TMEM120A: variants seen among roughly 807,000 people sequenced by gnomAD.
TMEM120A encodes transmembrane protein 120A.
TMEM120A carries 45 observed loss-of-function variants against 54.3 expected under a neutral mutation model. That is an observed-to-expected ratio of 0.83 (90% CI 0.65 to 1.06). TMEM120A has a LOEUF of 1.06. Ranked by LOEUF, TMEM120A falls within the 50% of genes least tolerant of loss-of-function variation. The probability of loss-of-function intolerance (pLI) is 0.00; values close to 1 mark genes in which losing one functional copy is unlikely to be tolerated. For missense variants in TMEM120A, 424 were observed against 441.7 expected, an observed-to-expected ratio of 0.96 and a Z score of 0.36; for synonymous variants, 204 against 178.5, an observed-to-expected ratio of 1.14 and a Z score of -1.14.
chr7:75,993,226 G>A (rs1585147497), intron 1 of TMEM120A, among the ~76,000 whole-genome samples: 1 of 152,202 alleles, frequency 6.6e-6, no homozygotes, highest in South Asian at 2.1e-4. Context: ...AGGCAGCCCA[G>A]AGCCACCCCT....
chr7:75,994,211 C>T (rs1038269941), intron 1 of TMEM120A, among the ~76,000 whole-genome samples: 23 of 152,328 alleles, frequency 1.5e-4, no homozygotes, highest in African/African-American at 5.5e-4. Flanking sequence ...CGGCCGCTCT[C>T]TTCTGGGAAG....
At position 75,989,192 on chromosome 7, in the gene TMEM120A, T is replaced by C. The variant is rs371074253; in HGVS notation, c.350A>G (p.Asn117Ser). The C allele has an allele frequency of 2.0e-5, 29 of 1,465,112 alleles. No individual in the cohort carries two copies. Among genetic ancestry groups the C allele is most frequent in the African/African-American group, 2.9e-5 (2 of 69,148 alleles). 90.8% of individuals were successfully genotyped at this position (1,465,112 alleles called of 1,614,324 possible). ...LYLSLVLGNVNVTLLSKQAKF... is the reference protein window; with the variant it reads ...LYLSLVLGNVSVTLLSKQAKF... ...AGCCTGCTTGCTCAGGAGCGTGACGTTGACGTTCCCCAGAACCAGGCTCAG... is the reference window on the plus strand; with the variant it reads ...AGCCTGCTTGCTCAGGAGCGTGACGCTGACGTTCCCCAGAACCAGGCTCAG... Residue 117 changes from asparagine (N) to serine (S), a missense_variant, in exon 4 of 12, where the codon AAC becomes AGC. Asn to Ser is a conservative substitution (Grantham distance 46). Transcript: ENST00000493111.
rs1001035226 is a variant in TMEM120A, at chr7:75,994,457, C to T, written c.81+33G>A. On this transcript the variant is annotated intron_variant, in intron 1 of 11. Transcript: ENST00000493111. ...GACCCTGAGCCAGCGAGACGCGGCT[C>T]GGGGGCGACCCGGCGTCCGCAGCGG... 5.2e-6 allele frequency: 8 copies of T among 1,543,424 alleles called. No homozygotes were observed. In the Admixed American group the frequency reaches 5.9e-5, roughly 11 times the overall value.
rs1789643641 is a variant in TMEM120A, at chr7:75,988,404, CG to C, written c.473+16del. On this transcript the variant is annotated intron_variant, in intron 5 of 11. Transcript: ENST00000493111. ...ACTGGGGATGGGGTGGGTCCTCGGC[CG>C]GGGTGGGACGCCCACCTGGAGTTGA... 1.4e-6 allele frequency: 1 copy of C among 690,286 alleles called. No homozygotes were observed. Among genetic ancestry groups the C allele is most frequent in the African/African-American group, 1.9e-5 (1 of 53,576 alleles). The allele number at this position is 690,286 out of a possible 1,614,324, so 42.8% of individuals were successfully genotyped here.
At position 75,987,543 on chromosome 7, in the gene TMEM120A, C is replaced by T. The variant is rs1227200385; in HGVS notation, c.844G>A (p.Gly282Arg). 1.3e-6 allele frequency: 2 copies of T among 1,592,540 alleles called. No individual in the cohort carries two copies. Among genetic ancestry groups the T allele is most frequent in the African/African-American group, 2.7e-5 (2 of 74,316 alleles). The change falls in exon 10 of 12, where the codon GGA (glycine) becomes AGA (arginine). Residue 282 changes from glycine to arginine, a missense_variant. Gly to Arg is a moderately radical substitution (Grantham distance 125). Coordinates refer to ENST00000493111, the MANE Select transcript of TMEM120A (RefSeq NM_031925.3). ...LTFLLPFLFFGHFWQLFNALT... is the reference protein window; with the variant it reads ...LTFLLPFLFFRHFWQLFNALT... ...GACACAGAGGCACGACTTACGTGTC[C>T]AAAGAAAAGAAAAGGCAGCAGGAAG...
At chr7:75,988,183 G>A (rs1554560626) in intron 6 of TMEM120A, 35 bp from the exon 7 acceptor site, 2 of 1,611,326 alleles carry the variant, frequency 1.2e-6, no homozygotes, top group East Asian at 4.5e-5. Context: ...CCCAGCGCCT[G>A]TTCCTGCTTC....
At position 75,989,038 on chromosome 7, in the gene TMEM120A, G is replaced by C. The variant is rs1357527886; in HGVS notation, c.377+127C>G. 7.6e-4 allele frequency: 232 copies of C among 306,264 alleles called. 3 individuals carry two copies. Among genetic ancestry groups the C allele is most frequent in the Non-Finnish European group, 8.3e-4 (133 of 160,952 alleles). 19.0% of individuals were successfully genotyped at this position (306,264 alleles called of 1,614,324 possible). A position where few individuals can be genotyped will look rare whatever the true frequency, so the allele number is the denominator to read the frequency against. On this transcript the variant is annotated intron_variant, in intron 4 of 11. Transcript: ENST00000493111. ...GGGGTGGAGGGGAAGGCCGGGTTGG[G>C]GGGTGGAGGGGAAGGCCGGGTTCCG...
At chr7:75,988,170 A>AC (rs782767972) in intron 6 of TMEM120A, 22 bp from the exon 7 acceptor site, 1 of 1,610,228 alleles carries the variant, frequency 6.2e-7, no homozygotes, top group Non-Finnish European at 8.5e-7. Flanking sequence ...AGCCACCATC[A>AC]CCCCCAGCGC....
chr7:75,987,081 CT>C lies in TMEM120A; in HGVS notation c.*90del, dbSNP rs782255004. On this transcript the variant is annotated 3_prime_UTR_variant, in exon 12 of 12. Transcript: ENST00000493111. ...CCCAAGGGAGAATAGAAGAGACCCC[CT>C]GATACACGCACACTCGAGGGGCGCC... 96 of 1,092,982 alleles carry C rather than the reference CT, an allele frequency of 8.8e-5. No homozygotes were observed. The highest frequency in any genetic ancestry group is 1.2e-4 in the Non-Finnish European group (87 of 736,320). 67.7% of individuals were successfully genotyped at this position (1,092,982 alleles called of 1,614,324 possible).
chr7:75,988,519 G>T lies in TMEM120A; in HGVS notation c.378-3C>A. On this transcript the variant is annotated splice_polypyrimidine_tract_variant and splice_region_variant and intron_variant, in intron 4 of 11. Transcript: ENST00000493111. The stretch of plus-strand genomic sequence containing the variant: ...CATACTCGTCCTTGTAGGCAAACCT[G>T]GGGGGCGCAGGCCGGTGAGACGGGT... The T allele has an allele frequency of 1.9e-6, 3 of 1,601,378 alleles. No individual in the cohort carries two copies. The highest frequency in any genetic ancestry group is 2.6e-6 in the Non-Finnish European group (3 of 1,175,786).
intron 4 of TMEM120A, 130 bp downstream of exon 4, chr7:75,989,035 T>G (rs200514339): frequency 2.1e-4 from 23 of 107,812 alleles, no homozygotes; most frequent in African/African-American, 5.0e-4. Flanking sequence ...AAGGCCGGGT[T>G]GGGGGGTGGA....
At chr7:75,994,020 C>A (rs1157620260) in intron 1 of TMEM120A, among the ~76,000 whole-genome samples, 1 of 150,818 alleles carries the variant, frequency 6.6e-6, no homozygotes, top group Non-Finnish European at 1.5e-5. Context: ...GTCAAGTCCC[C>A]TCTTTCCTTC....
Position 75,988,461 on chromosome 7 carries a change from T to C in TMEM120A, c.433A>G (p.Ile145Val). The change falls in exon 5 of 12, where the codon ATC (isoleucine) becomes GTC (valine). Residue 145 changes from isoleucine to valine, a missense_variant. By Grantham distance (29) the Ile-to-Val change is conservative. Coordinates refer to ENST00000493111, the MANE Select transcript of TMEM120A (RefSeq NM_031925.3). ...KFKLYLTIIL[I>V]LISFTCRFLL... The stretch of plus-strand genomic sequence containing the variant: ...AAGCGGCAAGTGAAGGAGATGAGGA[T>C]GAGGATGATGGTGAGGTAGAGCTTG... 1 of 1,610,050 alleles carries C rather than the reference T, an allele frequency of 6.2e-7. No individual in the cohort carries two copies. The highest frequency in any genetic ancestry group is 8.5e-7 in the Non-Finnish European group (1 of 1,179,300).
Position 75,988,264 on chromosome 7 carries a change from T to C in TMEM120A, c.551A>G (p.Asn184Ser), listed in dbSNP as rs782136567. 5 of 1,612,134 alleles carry C rather than the reference T, an allele frequency of 3.1e-6. No homozygotes were observed. The South Asian group carries it at 5.5e-5, about 18-fold the overall frequency. The change falls in exon 6 of 12, where the codon AAC (asparagine) becomes AGC (serine). Residue 184 changes from asparagine to serine, a missense_variant. Physicochemically the swap from Asn to Ser is conservative, Grantham distance 46 (BLOSUM62 1). Coordinates refer to ENST00000493111, the MANE Select transcript of TMEM120A (RefSeq NM_031925.3). The stretch of plus-strand genomic sequence containing the variant: ...CCGCCCTGCCCACCGGGAGCCGTTG[T>C]TGATGAGGATGCTCTCCCGGATGGT... ...TLTIRESILI[N>S]NGSRIKGWWV...
intron 1 of TMEM120A, 65 bp downstream of exon 1, chr7:75,994,425 G>T: frequency 6.9e-7 from 1 of 1,457,572 alleles, no homozygotes; most frequent in South Asian, 1.2e-5. Context: ...AGGGCTGCCC[G>T]ACCCTTGACC....
intron 8 of TMEM120A, 28 bp from the exon 9 acceptor site, chr7:75,987,838 G>C: frequency 6.2e-7 from 1 of 1,607,398 alleles, no homozygotes; most frequent in Non-Finnish European, 8.5e-7. Flanking sequence ...CAGAGGAGCA[G>C]GGCTGAGCCC....
Position 75,986,968 on chromosome 7 carries a change from A to T in TMEM120A, c.*204T>A. 1 of 602,692 alleles carries T rather than the reference A, an allele frequency of 1.7e-6. No individual in the cohort carries two copies. The allele number at this position is 602,692 out of a possible 1,614,324, so 37.3% of individuals were successfully genotyped here. On this transcript the variant is annotated 3_prime_UTR_variant, in exon 12 of 12. Coordinates refer to ENST00000493111, the MANE Select transcript of TMEM120A (RefSeq NM_031925.3). ...ACCCAGCCCTCCCCTCCCCCAGGAG[A>T]ACACACACGCTCAGGCCACCTCTGG...
chr7:75,989,586 C>G (rs986168632), intron 3 of TMEM120A, among the ~76,000 whole-genome samples: 1 of 151,788 alleles, frequency 6.6e-6, no homozygotes, highest in African/African-American at 2.4e-5. Context: ...CACCACCTAC[C>G]CCCCAGCTCC....
At position 75,989,159 on chromosome 7, in the gene TMEM120A, G is replaced by A; in HGVS notation, c.377+6C>T. 1 of 1,532,402 alleles carries A rather than the reference G, an allele frequency of 6.5e-7. No homozygotes were observed. Among genetic ancestry groups the A allele is most frequent in the East Asian group, 2.4e-5 (1 of 41,044 alleles). The allele number at this position is 1,532,402 out of a possible 1,614,324, so 94.9% of individuals were successfully genotyped here. On this transcript the variant is annotated splice_donor_region_variant and intron_variant, in intron 4 of 11. Coordinates refer to ENST00000493111, the MANE Select transcript of TMEM120A (RefSeq NM_031925.3). ...AGGTTGGGGGGTGGAGGCTCGGCCT[G>A]ATTACTTAGCCTGCTTGCTCAGGAG...
Sources: gnomAD v4.1 joint callset for allele counts (sites outside exome capture counted in the v4.1 genomes callset) on GRCh38, gnomAD v4.1.1 for gene constraint, MANE v1.5 for transcripts, NCBI Gene and HGNC (gene_info 2026-07-23, HGNC 2026-07-21) for gene names.